The following L3MBTL4 variants were observed in gnomAD, a reference collection of about 807,000 sequenced individuals.
L3MBTL4 encodes lethal(3)malignant brain tumor-like protein 4.
L3MBTL4 carries 70 observed loss-of-function variants against 84.5 expected under a neutral mutation model. That is an observed-to-expected ratio of 0.83 (90% CI 0.68 to 1.01). The LOEUF is 1.01. L3MBTL4 is among the 50% of genes least tolerant of loss of function. L3MBTL4 has a pLI of 0.00. For synonymous variants in L3MBTL4, 274 were observed against 259.8 expected, an observed-to-expected ratio of 1.05 and a Z score of -0.52; for missense variants, 715 against 754.8, an observed-to-expected ratio of 0.95 and a Z score of 0.62.
intron 4 of L3MBTL4, among the ~76,000 whole-genome samples, chr18:6,276,018 A>G (rs1349493793): frequency 6.6e-6 from 1 of 152,226 alleles, no homozygotes; most frequent in Non-Finnish European, 1.5e-5. Flanking sequence ...GACAAAGGAC[A>G]GACAGAACTC....
At chr18:6,285,318 G>A (rs997142020) in intron 4 of L3MBTL4, among the ~76,000 whole-genome samples, 2 of 152,170 alleles carry the variant, frequency 1.3e-5, no homozygotes, top group African/African-American at 2.4e-5. Flanking sequence ...ACAGAGCCAC[G>A]TTTCTCACTG....
chr18:6,106,589 C>A (rs1053292561), intron 14 of L3MBTL4, among the ~76,000 whole-genome samples: 1 of 152,108 alleles, frequency 6.6e-6, no homozygotes. Flanking sequence ...ATTTATAAAA[C>A]CCTGAGAAAA....
At chr18:6,110,866 C>T (rs78598167) in intron 14 of L3MBTL4, among the ~76,000 whole-genome samples, 2,617 of 152,128 alleles carry the variant, frequency 0.017, 44 homozygotes, top group East Asian at 0.075. Flanking sequence ...GACGCATTCT[C>T]ATTTTCTAAT....
chr18:6,249,349 G>A (rs532314182), intron 5 of L3MBTL4, among the ~76,000 whole-genome samples: 31 of 152,236 alleles, frequency 2.0e-4, no homozygotes, highest in South Asian at 8.3e-4. Flanking sequence ...TTAGGGGTGG[G>A]GAGGAAACAG....
intron 17 of L3MBTL4, among the ~76,000 whole-genome samples, chr18:5,966,642 A>G (rs1215642264): frequency 4.6e-5 from 7 of 152,104 alleles, no homozygotes; most frequent in Admixed American, 3.9e-4. Context: ...CTCTATATCC[A>G]CTACTGTGAT....
intron 1 of L3MBTL4, among the ~76,000 whole-genome samples, chr18:6,345,793 T>A (rs1474439383): frequency 6.6e-6 from 1 of 152,084 alleles, no homozygotes; most frequent in Non-Finnish European, 1.5e-5. Context: ...AAAATTCCAA[T>A]GGCATTTTTC....
At chr18:6,230,247 G>T (rs554868923) in intron 10 of L3MBTL4, among the ~76,000 whole-genome samples, 1 of 152,070 alleles carries the variant, frequency 6.6e-6, no homozygotes, top group Non-Finnish European at 1.5e-5. Flanking sequence ...CCACCCTCAA[G>T]AATCCCCCCA....
At chr18:6,018,263 C>T (rs1598446566) in intron 16 of L3MBTL4, among the ~76,000 whole-genome samples, 1 of 152,110 alleles carries the variant, frequency 6.6e-6, no homozygotes, top group Non-Finnish European at 1.5e-5. Context: ...CCAACCATAC[C>T]TGTTTATCCA....
intron 5 of L3MBTL4, among the ~76,000 whole-genome samples, chr18:6,248,881 T>C (rs528617580): frequency 1.4e-4 from 22 of 152,342 alleles, no homozygotes; most frequent in African/African-American, 5.1e-4. Context: ...CATGGAATAA[T>C]TGTAAAACCT....
intron 12 of L3MBTL4, among the ~76,000 whole-genome samples, chr18:6,202,434 G>A (rs554194384): frequency 6.6e-6 from 1 of 152,120 alleles, no homozygotes; most frequent in Non-Finnish European, 1.5e-5. Flanking sequence ...ATGTGGTCCA[G>A]TCCATATGTT....
At chr18:6,332,919 A>C (rs2052115849) in intron 1 of L3MBTL4, among the ~76,000 whole-genome samples, 1 of 152,350 alleles carries the variant, frequency 6.6e-6, no homozygotes, top group East Asian at 1.9e-4. Context: ...GATGCTCTGT[A>C]AATAGTTCTC....
intron 4 of L3MBTL4, among the ~76,000 whole-genome samples, chr18:6,277,547 C>T (rs2049140719): frequency 6.6e-6 from 1 of 152,050 alleles, no homozygotes; most frequent in South Asian, 2.1e-4. Context: ...ATATTTTATT[C>T]AATTGAAATT....
rs572112668 is a variant in L3MBTL4, at chr18:6,162,727, C to T, written c.1096+9101G>A. 1.4e-4 allele frequency among the ~76,000 whole-genome samples: 22 copies of T among 152,300 alleles called. No homozygotes were observed. In the South Asian group the frequency reaches 4.6e-3, roughly 32 times the overall value. ...ATGTGACTCCTCTGTAGAGCAAATG[C>T]CCTGAAGCCTCCATGCCACACAGGC... On this transcript the variant is annotated intron_variant, in intron 13 of 18. Coordinates refer to ENST00000317931, the MANE Select transcript of L3MBTL4 (RefSeq NM_001330559.2).
chr18:6,272,556 C>T lies in L3MBTL4; in HGVS notation c.128-8518G>A, dbSNP rs9967402. Reference sequence around the variant, plus strand: ...TTCAACTAGGACTGAATATAAGGAACACAGAAGAGTTCTGACAGCCCCACT... The same window carrying T: ...TTCAACTAGGACTGAATATAAGGAATACAGAAGAGTTCTGACAGCCCCACT... On this transcript the variant is annotated intron_variant, in intron 4 of 18. Transcript: ENST00000317931. Among the ~76,000 whole-genome samples the T allele has an allele frequency of 5.8e-4, 35 of 59,870 alleles. 1 individual carries two copies. In the East Asian group the frequency reaches 6.9e-3, roughly 12 times the overall value. The allele number at this position is 59,870 out of a possible 152,430, so 39.3% of individuals were successfully genotyped here.
chr18:6,172,394 T>C lies in L3MBTL4; in HGVS notation c.982-452A>G, dbSNP rs182689883. Among the ~76,000 whole-genome samples, 5 of 152,110 alleles carry C rather than the reference T, an allele frequency of 3.3e-5. No individual in the cohort carries two copies. The East Asian group carries it at 9.7e-4, about 29-fold the overall frequency. On this transcript the variant is annotated intron_variant, in intron 12 of 18. Transcript: ENST00000317931. ...CACAGATTAGAGTATAAAGAAACAA[T>C]CAATCCCTAAAACCTCACAAATGAG...
At chr18:6,191,823 T>C (rs1485864951) in intron 12 of L3MBTL4, among the ~76,000 whole-genome samples, 1 of 151,878 alleles carries the variant, frequency 6.6e-6, no homozygotes, top group East Asian at 1.9e-4. Context: ...CCTTTGTCAC[T>C]ACAAAAAATT....
intron 1 of L3MBTL4, among the ~76,000 whole-genome samples, chr18:6,346,109 T>TAC (rs1439586464): frequency 7.9e-6 from 1 of 126,118 alleles, no homozygotes; most frequent in African/African-American, 4.5e-5. Flanking sequence ...TTGGAATATA[T>TAC]ATATATATAT....
At chr18:6,132,535 A>G (rs1297507109) in intron 14 of L3MBTL4, among the ~76,000 whole-genome samples, 5 of 152,180 alleles carry the variant, frequency 3.3e-5, no homozygotes, top group African/African-American at 1.2e-4. Context: ...AAAATGCCCC[A>G]TTCTTCTCAC....
At chr18:6,132,027 T>C (rs2059893950) in intron 14 of L3MBTL4, among the ~76,000 whole-genome samples, 1 of 152,114 alleles carries the variant, frequency 6.6e-6, no homozygotes, top group Non-Finnish European at 1.5e-5. Flanking sequence ...CCCCAGCATT[T>C]CCTAGAGCTA....
Sources: gnomAD v4.1 joint callset for allele counts (sites outside exome capture counted in the v4.1 genomes callset) on GRCh38, gnomAD v4.1.1 for gene constraint, MANE v1.5 for transcripts, NCBI Gene and HGNC (gene_info 2026-07-23, HGNC 2026-07-21) for gene names.